The following KAZN variants were observed in gnomAD, a reference collection of about 807,000 sequenced individuals.
The protein encoded by KAZN is kazrin.
Under a neutral mutation model 87.4 loss-of-function variants are expected in KAZN, and 40 were observed. The observed-to-expected ratio is 0.46, with a 90% CI of 0.36 to 0.60. The LOEUF (loss-of-function observed/expected upper bound fraction) is 0.60. Among genes scored for constraint, KAZN ranks in the 20% least tolerant of loss-of-function variants. KAZN has a pLI of 0.00. For missense variants in KAZN, 898 were observed against 1,073.9 expected (o/e 0.84, Z 2.29); for synonymous variants, 466 against 458.3 (o/e 1.02, Z -0.22).
At chr1:14,603,874 C>G (rs1217214798) in intron 1 of KAZN, among the ~76,000 whole-genome samples, 1 of 152,162 alleles carries the variant, frequency 6.6e-6, no homozygotes, top group African/African-American at 2.4e-5. Context: ...ACTTTGCCTG[C>G]TCACCGTGCA....
intron 2 of KAZN, among the ~76,000 whole-genome samples, chr1:14,464,228 T>G (rs1463139115): frequency 6.6e-6 from 1 of 152,238 alleles, no homozygotes; most frequent in Non-Finnish European, 1.5e-5. Context: ...TAGTAGTAGC[T>G]GGGGAGAAAG....
intron 2 of KAZN, among the ~76,000 whole-genome samples, chr1:14,248,712 A>C (rs1254588474): frequency 1.3e-5 from 2 of 152,208 alleles, no homozygotes; most frequent in East Asian, 3.9e-4. Flanking sequence ...CTTTTAAAAC[A>C]TGTTCCCAAA....
intron 2 of KAZN, among the ~76,000 whole-genome samples, chr1:14,428,722 G>C (rs752880182): frequency 6.6e-6 from 1 of 152,114 alleles, no homozygotes; most frequent in South Asian, 2.1e-4. Context: ...ACCAAGCTAA[G>C]AGGGAAGCCC....
At chr1:14,740,248 C>T (rs1372005734) in intron 1 of KAZN, among the ~76,000 whole-genome samples, 1 of 152,158 alleles carries the variant, frequency 6.6e-6, no homozygotes, top group Admixed American at 6.5e-5. Flanking sequence ...CCAGAGACAC[C>T]GTGCTGTGCG....
chr1:14,119,889 G>T (rs968329128), intron 1 of KAZN, among the ~76,000 whole-genome samples: 1 of 115,204 alleles, frequency 8.7e-6, no homozygotes, highest in African/African-American at 3.5e-5. Context: ...TTTGCCATGT[G>T]CCAGGCACTG....
chr1:14,901,260 G>T (rs892470841), intron 1 of KAZN, among the ~76,000 whole-genome samples: 4 of 152,002 alleles, frequency 2.6e-5, no homozygotes, highest in African/African-American at 4.8e-5. Context: ...CAGGTAGAAG[G>T]TGCAGCAGGT....
chr1:14,557,672 TGAGAGAGA>T (rs57818821), intron 2 of KAZN, among the ~76,000 whole-genome samples: 5 of 136,874 alleles, frequency 3.7e-5, no homozygotes, highest in African/African-American at 5.4e-5. Flanking sequence ...GTGTGGTGTG[TGAGAGAGA>T]GAGAGAGAGA....
intron 1 of KAZN, among the ~76,000 whole-genome samples, chr1:14,077,011 T>G (rs1488876996): frequency 6.6e-6 from 1 of 152,162 alleles, no homozygotes; most frequent in Admixed American, 6.5e-5. Context: ...GACTCCAGCC[T>G]TTAGGGTCCC....
intron 1 of KAZN, among the ~76,000 whole-genome samples, chr1:14,687,678 G>A (rs941173288): frequency 1.3e-5 from 2 of 152,208 alleles, no homozygotes; most frequent in Middle Eastern, 3.2e-3. Context: ...TCTGTGAGTC[G>A]TCACTAGCTG....
intron 1 of KAZN, among the ~76,000 whole-genome samples, chr1:14,025,619 C>T (rs965121544): frequency 6.6e-6 from 1 of 152,164 alleles, no homozygotes; most frequent in Non-Finnish European, 1.5e-5. Flanking sequence ...AACCTTCTGC[C>T]ATGATGGATA....
At chr1:14,741,444 A>G (rs1644096108) in intron 1 of KAZN, among the ~76,000 whole-genome samples, 1 of 152,178 alleles carries the variant, frequency 6.6e-6, no homozygotes, top group Non-Finnish European at 1.5e-5. Flanking sequence ...TGGCTTTTAG[A>G]GTTCTAACAG....
At chr1:14,329,510 A>G (rs1321371905) in intron 2 of KAZN, among the ~76,000 whole-genome samples, 1 of 152,244 alleles carries the variant, frequency 6.6e-6, no homozygotes, top group African/African-American at 2.4e-5. Flanking sequence ...TGGCAGGGAC[A>G]TGATTGGCAG....
At chr1:14,982,590 C>G (rs924884650) in intron 2 of KAZN, among the ~76,000 whole-genome samples, 10 of 152,054 alleles carry the variant, frequency 6.6e-5, no homozygotes, top group Admixed American at 5.9e-4. Context: ...CCACCACGCC[C>G]AGCTAATATT....
intron 2 of KAZN, among the ~76,000 whole-genome samples, chr1:15,022,256 C>T (rs1329327962): frequency 6.6e-6 from 1 of 152,182 alleles, no homozygotes; most frequent in Non-Finnish European, 1.5e-5. Context: ...TGCAGCTCTG[C>T]TGAGAACCAC....
At chr1:14,169,950 C>A (rs1365575887) in intron 1 of KAZN, among the ~76,000 whole-genome samples, 2 of 152,182 alleles carry the variant, frequency 1.3e-5, no homozygotes, top group Admixed American at 6.5e-5. Flanking sequence ...AGCTCAGGCC[C>A]TCAGCCACAT....
At chr1:14,594,242 A>G (rs968694272), upstream of KAZN, among the ~76,000 whole-genome samples, 16 of 152,144 alleles carry the variant, frequency 1.1e-4, no homozygotes, top group African/African-American at 3.9e-4. Flanking sequence ...AGGTCACTCT[A>G]TTTCTGGGAA....
rs529841253 is a variant in KAZN, at chr1:13,978,820, T to A, written c.91+85064T>A. The stretch of plus-strand genomic sequence containing the variant: ...TAATTAATGGAGCAGAAGCAAAATT[T>A]GAGCTGATGTGGTGGCATGCCTATA... On this transcript the variant is annotated intron_variant, in intron 1 of 16. Transcript: ENST00000636203. 2.0e-5 allele frequency among the ~76,000 whole-genome samples: 3 copies of A among 152,220 alleles called. No individual in the cohort carries two copies. The South Asian group carries it at 6.2e-4, about 32-fold the overall frequency.
intron 1 of KAZN, among the ~76,000 whole-genome samples, chr1:14,760,677 G>A (rs2100543359): frequency 6.6e-6 from 1 of 152,306 alleles, no homozygotes; most frequent in East Asian, 1.9e-4. Flanking sequence ...ATTCAGGCCA[G>A]GTGTGGTAGC....
intron 1 of KAZN, among the ~76,000 whole-genome samples, chr1:13,976,464 G>A (rs992651077): frequency 4.6e-5 from 7 of 151,476 alleles, no homozygotes; most frequent in African/African-American, 7.3e-5. Flanking sequence ...ATTATTCCCC[G>A]CAGAAATTGC....
Sources: allele counts gnomAD v4.1 joint callset (sites outside exome capture counted in the v4.1 genomes callset), GRCh38; gene constraint gnomAD v4.1.1; transcripts MANE v1.5; gene names NCBI Gene and HGNC (gene_info 2026-07-23, HGNC 2026-07-21).